PTPRT: variants seen among roughly 807,000 people sequenced by gnomAD.
The protein encoded by PTPRT is protein tyrosine phosphatase receptor type T, also known as receptor-type tyrosine-protein phosphatase T.
In PTPRT, 56 loss-of-function variants were observed where a neutral mutation model predicts 176.8. That is an observed-to-expected ratio of 0.32 (90% CI 0.26 to 0.40). The LOEUF is 0.40. PTPRT is among the 10% of genes least tolerant of loss of function. PTPRT has a pLI of 1.00. For synonymous variants in PTPRT, 783 were observed against 739.0 expected, an observed-to-expected ratio of 1.06 and a Z score of -0.96; for missense variants, 1,540 against 1,908.2, an observed-to-expected ratio of 0.81 and a Z score of 3.60.
At chr20:43,069,823 T>C (rs1247600114) in intron 1 of PTPRT, among the ~76,000 whole-genome samples, 1 of 152,186 alleles carries the variant, frequency 6.6e-6, no homozygotes, top group Non-Finnish European at 1.5e-5. Context: ...GCTTGCATAG[T>C]GGTTACTCCA....
chr20:43,019,994 G>T lies in PTPRT; in HGVS notation c.89-134062C>A, dbSNP rs187011284. Among the ~76,000 whole-genome samples, 1,225 of 151,522 alleles carry T rather than the reference G, an allele frequency of 8.1e-3. 7 individuals carry two copies. The highest frequency in any genetic ancestry group is 0.012 in the Non-Finnish European group (817 of 67,908). On this transcript the variant is annotated intron_variant, in intron 1 of 30. Transcript: ENST00000373187. ...GCCTTCAGACGTGGACCAATCCCTG[G>T]GTCTCCAGCTTGCTCTCAGCCTCCA...
At chr20:42,189,402 C>T (rs893144628) in intron 16 of PTPRT, among the ~76,000 whole-genome samples, 2 of 152,108 alleles carry the variant, frequency 1.3e-5, no homozygotes, top group Non-Finnish European at 2.9e-5. Flanking sequence ...GAAACTAATC[C>T]ACTTACAACT....
intron 1 of PTPRT, among the ~76,000 whole-genome samples, chr20:42,992,506 G>A (rs1983974402): frequency 6.6e-6 from 1 of 152,208 alleles, no homozygotes. Flanking sequence ...ACAGCCAGGA[G>A]GGTGAGGAGC....
chr20:42,680,502 G>C (rs62205374), intron 6 of PTPRT, among the ~76,000 whole-genome samples: 4 of 152,088 alleles, frequency 2.6e-5, no homozygotes, highest in Non-Finnish European at 4.4e-5. Flanking sequence ...TGGAACCTTT[G>C]ATTGCCATTA....
intron 2 of PTPRT, among the ~76,000 whole-genome samples, chr20:42,816,695 C>G (rs530580474): frequency 2.0e-4 from 30 of 152,320 alleles, no homozygotes; most frequent in African/African-American, 6.7e-4. Context: ...CTGCTTCCCC[C>G]TCGCCTTCTG....
intron 16 of PTPRT, among the ~76,000 whole-genome samples, chr20:42,171,442 T>C (rs940976742): frequency 6.6e-6 from 1 of 152,164 alleles, no homozygotes. Context: ...AACCAGGAAG[T>C]GGGTGACTGA....
chr20:42,530,401 T>C (rs1178808386), intron 7 of PTPRT, among the ~76,000 whole-genome samples: 1 of 152,200 alleles, frequency 6.6e-6, no homozygotes, highest in African/African-American at 2.4e-5. Flanking sequence ...TGGATCCTGG[T>C]GGCAGAGACA....
At chr20:42,334,483 A>G (rs1291305297) in intron 11 of PTPRT, among the ~76,000 whole-genome samples, 2 of 152,266 alleles carry the variant, frequency 1.3e-5, no homozygotes, top group African/African-American at 4.8e-5. Context: ...GTAAGCCAAG[A>G]CATGCAAATC....
intron 7 of PTPRT, among the ~76,000 whole-genome samples, chr20:42,554,991 A>G (rs2072835093): frequency 6.6e-6 from 1 of 152,198 alleles, no homozygotes; most frequent in Non-Finnish European, 1.5e-5. Context: ...GTATTGTGTT[A>G]TGGAGTAGGA....
chr20:42,552,426 A>C (rs571129558), intron 7 of PTPRT, among the ~76,000 whole-genome samples: 1 of 152,308 alleles, frequency 6.6e-6, no homozygotes, highest in South Asian at 2.1e-4. Context: ...TAATGGGTTA[A>C]GTGTGTGAAA....
intron 2 of PTPRT, among the ~76,000 whole-genome samples, chr20:42,861,590 G>T (rs930980574): frequency 3.3e-5 from 5 of 151,472 alleles, no homozygotes; most frequent in Admixed American, 6.6e-5. Context: ...TAAGCCTTCT[G>T]CCCTTATGTT....
intron 12 of PTPRT, among the ~76,000 whole-genome samples, chr20:42,315,184 C>CAAAA (rs71193656): frequency 1.3e-4 from 8 of 63,394 alleles, no homozygotes; most frequent in African/African-American, 5.0e-4. Flanking sequence ...GGCTCCGTCT[C>CAAAA]AAAAAAAAAA....
downstream of PTPRT, among the ~76,000 whole-genome samples, chr20:42,070,045 T>G (rs941245076): frequency 6.6e-6 from 1 of 152,138 alleles, no homozygotes; most frequent in Non-Finnish European, 1.5e-5. Context: ...AAAGATTAAG[T>G]GGTCAAAAGT....
chr20:42,880,256 C>A (rs1489453934), intron 2 of PTPRT, among the ~76,000 whole-genome samples: 1 of 152,098 alleles, frequency 6.6e-6, no homozygotes, highest in African/African-American at 2.4e-5. Flanking sequence ...CTGCTGAAAC[C>A]CCAGGAAACT....
At chr20:42,719,048 A>G (rs1308498384) in intron 6 of PTPRT, among the ~76,000 whole-genome samples, 2 of 152,208 alleles carry the variant, frequency 1.3e-5, no homozygotes, top group Non-Finnish European at 2.9e-5. Context: ...AGGAATCTGA[A>G]ATGAATCTTA....
At chr20:42,776,678 T>C (rs963246948) in intron 4 of PTPRT, among the ~76,000 whole-genome samples, 1 of 151,182 alleles carries the variant, frequency 6.6e-6, no homozygotes, top group East Asian at 1.9e-4. Flanking sequence ...GCACTGTCTG[T>C]GCATATAATT....
chr20:42,284,852 A>G (rs1170115364), intron 12 of PTPRT, among the ~76,000 whole-genome samples: 2 of 151,994 alleles, frequency 1.3e-5, no homozygotes, highest in African/African-American at 2.4e-5. Flanking sequence ...TAAAAAAATG[A>G]CAAGTCATGG....
chr20:42,334,128 TA>T (rs961205997), intron 11 of PTPRT, among the ~76,000 whole-genome samples: 6 of 151,974 alleles, frequency 3.9e-5, no homozygotes, highest in African/African-American at 9.7e-5. Context: ...TACATTTTTT[TA>T]AAAAAAAGTC....
At chr20:43,180,705 C>T (rs961983355) in intron 1 of PTPRT, among the ~76,000 whole-genome samples, 6 of 152,086 alleles carry the variant, frequency 3.9e-5, no homozygotes, top group Admixed American at 6.5e-5. Context: ...TCAGGTGATC[C>T]GCCCACCTCG....
Sources: allele counts gnomAD v4.1 joint callset (sites outside exome capture counted in the v4.1 genomes callset), GRCh38; gene constraint gnomAD v4.1.1; transcripts MANE v1.5; gene names NCBI Gene and HGNC (gene_info 2026-07-23, HGNC 2026-07-21).